ANO4: variants seen among roughly 807,000 people sequenced by gnomAD.
The protein encoded by ANO4 is anoctamin-4.
In ANO4, 69 loss-of-function variants were observed where a neutral mutation model predicts 141.9. The ratio of observed to expected loss-of-function variants is 0.49; its 90% CI spans 0.40 to 0.59. The LOEUF (loss-of-function observed/expected upper bound fraction) is 0.59. ANO4 is among the 20% of genes least tolerant of loss of function. The probability of loss-of-function intolerance (pLI) is 0.00; values close to 1 mark genes in which losing one functional copy is unlikely to be tolerated. For synonymous variants in ANO4, 350 were observed against 394.3 expected, an observed-to-expected ratio of 0.89 and a Z score of 1.33; for missense variants, 894 against 1,162.2, an observed-to-expected ratio of 0.77 and a Z score of 3.36.
intron 2 of ANO4, among the ~76,000 whole-genome samples, chr12:100,915,915 G>A (rs958918325): frequency 6.6e-6 from 1 of 152,062 alleles, no homozygotes; most frequent in African/African-American, 2.4e-5. Context: ...TATGACATAT[G>A]TCTATAATTG....
At chr12:101,052,902 A>G (rs751487186) in intron 14 of ANO4, among the ~76,000 whole-genome samples, 2 of 152,216 alleles carry the variant, frequency 1.3e-5, no homozygotes, top group Admixed American at 6.5e-5. Context: ...CAGAGAGGTT[A>G]TGCAACTTGC....
intron 9 of ANO4, among the ~76,000 whole-genome samples, chr12:101,032,656 A>G: frequency 6.6e-6 from 1 of 152,012 alleles, no homozygotes; most frequent in South Asian, 2.1e-4. Context: ...AAGTGGGTGA[A>G]GGACATGAAC....
chr12:101,067,700 C>T (rs2048649092), intron 14 of ANO4, among the ~76,000 whole-genome samples: 1 of 152,134 alleles, frequency 6.6e-6, no homozygotes, highest in African/African-American at 2.4e-5. Context: ...CAAAAAAGTG[C>T]TCAAGGAGGC....
intron 3 of ANO4, among the ~76,000 whole-genome samples, chr12:100,746,309 T>C (rs907146734): frequency 5.3e-5 from 8 of 151,974 alleles, no homozygotes; most frequent in Non-Finnish European, 8.8e-5. Flanking sequence ...AAAAATTAGC[T>C]GGGCGTGGTG....
chr12:100,847,471 G>A (rs2037625688), intron 1 of ANO4, among the ~76,000 whole-genome samples: 2 of 66,102 alleles, frequency 3.0e-5, no homozygotes, highest in East Asian at 4.2e-4. Context: ...TGGTGGCCAA[G>A]ATAATTTTTT....
chr12:100,819,620 G>A (rs1713052313), intron 1 of ANO4, among the ~76,000 whole-genome samples: 1 of 151,924 alleles, frequency 6.6e-6, no homozygotes, highest in African/African-American at 2.4e-5. Context: ...GTGGTAATTA[G>A]TGATGATAGG....
intron 1 of ANO4, among the ~76,000 whole-genome samples, chr12:100,820,215 C>T (rs111340274): frequency 1.0e-3 from 158 of 152,070 alleles, no homozygotes; most frequent in African/African-American, 3.2e-3. Flanking sequence ...CAGCCTACCA[C>T]ATTGTTGGAA....
At chr12:100,946,733 C>T (rs1371972259) in intron 5 of ANO4, among the ~76,000 whole-genome samples, 1 of 152,026 alleles carries the variant, frequency 6.6e-6, no homozygotes, top group South Asian at 2.1e-4. Flanking sequence ...ATGAGATCTC[C>T]AAAGGAGTAA....
intron 22 of ANO4, among the ~76,000 whole-genome samples, chr12:101,103,292 A>C (rs2136978736): frequency 6.8e-6 from 1 of 147,008 alleles, no homozygotes; most frequent in South Asian, 2.1e-4. Flanking sequence ...AATTGATGAT[A>C]CTGGACATCA....
intron 14 of ANO4, among the ~76,000 whole-genome samples, chr12:101,070,641 C>G (rs1400372953): frequency 6.6e-6 from 1 of 151,996 alleles, no homozygotes; most frequent in Admixed American, 6.6e-5. Flanking sequence ...CAAGAACAGT[C>G]AATCAAAGCA....
intron 1 of ANO4, among the ~76,000 whole-genome samples, chr12:100,731,205 G>A (rs2031366062): frequency 6.6e-6 from 1 of 152,112 alleles, no homozygotes; most frequent in African/African-American, 2.4e-5. Flanking sequence ...CACCATTATA[G>A]ATCAGAATTT....
At chr12:101,104,661 AT>A in intron 22 of ANO4, among the ~76,000 whole-genome samples, 1 of 61,358 alleles carries the variant, frequency 1.6e-5, no homozygotes, top group Admixed American at 1.7e-4. Context: ...ATATATATAT[AT>A]ATATATATAA....
At chr12:101,088,273 G>A (rs568020702) in intron 17 of ANO4, among the ~76,000 whole-genome samples, 13 of 152,074 alleles carry the variant, frequency 8.5e-5, no homozygotes, top group Non-Finnish European at 1.5e-4. Flanking sequence ...GGTCTGCATC[G>A]CTTAGTCCCT....
At chr12:100,978,560 A>C (rs1203324208) in intron 7 of ANO4, among the ~76,000 whole-genome samples, 2 of 152,256 alleles carry the variant, frequency 1.3e-5, no homozygotes, top group African/African-American at 4.8e-5. Context: ...TGACTGTTAC[A>C]AAGTTCTTCT....
chr12:101,043,436 C>A, intron 12 of ANO4, 103 bp from the exon 13 acceptor site: 1 of 797,600 alleles, frequency 1.3e-6, no homozygotes, highest in Non-Finnish European at 2.1e-6. Context: ...TAAGGGCAAA[C>A]ATTTAACCTA....
chr12:100,989,411 C>T lies in ANO4; in HGVS notation c.734+1741C>T, dbSNP rs78692138. 8.4e-3 allele frequency among the ~76,000 whole-genome samples: 1,273 copies of T among 152,308 alleles called. 12 individuals carry two copies. The highest frequency in any genetic ancestry group is 0.027 in the African/African-American group (1,125 of 41,564). Reference sequence around the variant, plus strand: ...CAATGAGTTGTTTCCCTAATTCTTCCGGAATGATGTCTGGTTTACAGGCAG... The same window carrying T: ...CAATGAGTTGTTTCCCTAATTCTTCTGGAATGATGTCTGGTTTACAGGCAG... On this transcript the variant is annotated intron_variant, in intron 8 of 27. Coordinates refer to ENST00000392977, the MANE Select transcript of ANO4 (RefSeq NM_001286615.2).
At chr12:100,917,202 G>A (rs643269) in intron 2 of ANO4, among the ~76,000 whole-genome samples, 39,540 of 151,882 alleles carry the variant, frequency 0.26, 5,950 homozygotes, top group Admixed American at 0.4. Flanking sequence ...TTTTTAATTG[G>A]TCAATGTGTT....
At chr12:100,930,799 T>C (rs1393216245) in intron 3 of ANO4, among the ~76,000 whole-genome samples, 2 of 152,112 alleles carry the variant, frequency 1.3e-5, no homozygotes, top group Non-Finnish European at 1.5e-5. Context: ...TAAAATGTAT[T>C]TTTCCCCAAT....
rs551021719 is a variant in ANO4 at position 100,779,182 on chromosome 12, T to C, written c.358+39077T>C. ...ATCTGAGGTGGGGCTTAGTATTTTTTGAAGTGTAGCCAGGATTGAGAACAC... is the reference window on the plus strand; with the variant it reads ...ATCTGAGGTGGGGCTTAGTATTTTTCGAAGTGTAGCCAGGATTGAGAACAC... On this transcript the variant is annotated intron_variant, in intron 3 of 29. Coordinates refer to the ANO4 transcript ENST00000644049. Among the ~76,000 whole-genome samples the C allele has an allele frequency of 2.5e-4, 38 of 152,364 alleles. No homozygotes were observed. The East Asian group carries it at 6.7e-3, about 27-fold the overall frequency.
Sources: gnomAD v4.1 joint callset for allele counts (sites outside exome capture counted in the v4.1 genomes callset) on GRCh38, gnomAD v4.1.1 for gene constraint, MANE v1.5 for transcripts, NCBI Gene and HGNC (gene_info 2026-07-23, HGNC 2026-07-21) for gene names.